LCORL: variants seen among roughly 807,000 people sequenced by gnomAD.
The protein encoded by LCORL is ligand-dependent nuclear receptor corepressor-like protein.
LCORL carries 41 observed loss-of-function variants against 141.8 expected under a neutral mutation model. The observed-to-expected ratio is 0.29, with a 90% confidence interval of 0.23 to 0.38. The LOEUF (loss-of-function observed/expected upper bound fraction) is 0.38, where lower values mean the gene tolerates loss of function less well. LCORL is among the 10% of genes least tolerant of loss of function. The pLI is 1.00. For missense variants in LCORL, 1,759 were observed against 2,035.0 expected, an observed-to-expected ratio of 0.86 and a Z score of 2.61; for synonymous variants, 618 against 694.1, an observed-to-expected ratio of 0.89 and a Z score of 1.72.
intron 6 of LCORL, among the ~76,000 whole-genome samples, chr4:17,879,695 T>C (rs1341776075): frequency 6.6e-6 from 1 of 150,994 alleles, no homozygotes; most frequent in Non-Finnish European, 1.5e-5. Flanking sequence ...GATTACAATA[T>C]ATTTTTTTCC....
At chr4:17,932,891 A>G (rs1266159032) in intron 4 of LCORL, among the ~76,000 whole-genome samples, 2 of 152,178 alleles carry the variant, frequency 1.3e-5, no homozygotes, top group Non-Finnish European at 1.5e-5. Flanking sequence ...TAAATACAGT[A>G]TTTCTTGAGT....
intron 4 of LCORL, among the ~76,000 whole-genome samples, chr4:17,952,147 T>C (rs1020873287): frequency 1.1e-4 from 17 of 152,178 alleles, no homozygotes; most frequent in African/African-American, 3.9e-4. Flanking sequence ...CAGATTGCTA[T>C]ATATTAAATA....
At chr4:18,008,753 G>A (rs1291591084) in intron 1 of LCORL, among the ~76,000 whole-genome samples, 1 of 152,092 alleles carries the variant, frequency 6.6e-6, no homozygotes. Flanking sequence ...GGCAATTCTT[G>A]GTGCTGGAAA....
At chr4:17,952,414 A>ATT (rs60765138) in intron 4 of LCORL, among the ~76,000 whole-genome samples, 17 of 135,832 alleles carry the variant, frequency 1.3e-4, no homozygotes, top group Non-Finnish European at 1.9e-4. Context: ...CTCAAAAACA[A>ATT]TTTTTTTTTT....
intron 4 of LCORL, among the ~76,000 whole-genome samples, chr4:17,951,043 T>G (rs1245824237): frequency 6.6e-6 from 1 of 152,204 alleles, no homozygotes; most frequent in Non-Finnish European, 1.5e-5. Context: ...CAGACATGGA[T>G]GAACCTCAGG....
At chr4:17,966,345 G>T (rs1227775957) in intron 2 of LCORL, among the ~76,000 whole-genome samples, 4 of 151,954 alleles carry the variant, frequency 2.6e-5, no homozygotes, top group Non-Finnish European at 5.9e-5. Context: ...GATCCTATGG[G>T]CATTATAAGG....
In LCORL at chr4:17,955,238, A is replaced by G. The variant is rs1352920847; in HGVS notation, c.430+6665T>C. On this transcript the variant is annotated intron_variant, in intron 4 of 7. Transcript: ENST00000635767. Reference sequence around the variant, plus strand: ...AACCAAGAAAGTGATCAGCTCTATCAAACGATGCTGAAAGGCTAAGATGAG... The same window carrying G: ...AACCAAGAAAGTGATCAGCTCTATCGAACGATGCTGAAAGGCTAAGATGAG... 2.0e-5 allele frequency among the ~76,000 whole-genome samples: 3 copies of G among 152,214 alleles called. No homozygotes were observed. In the East Asian group the frequency reaches 5.8e-4, roughly 29 times the overall value.
At chr4:17,875,656 A>C in exon 7 of LCORL, 1 of 1,231,338 alleles carries the variant, frequency 8.1e-7, no homozygotes, top group Non-Finnish European at 1.0e-6. Flanking sequence ...TCATTCTGGC[A>C]AACAGTGATG....
chr4:17,843,349 C>G (rs75077775), exon 8 of LCORL: 6 of 1,611,724 alleles, frequency 3.7e-6, no homozygotes, highest in Non-Finnish European at 5.1e-6. Context: ...ATGAGACTAC[C>G]AAGACGAGCC....
intron 4 of LCORL, among the ~76,000 whole-genome samples, chr4:17,941,203 C>T (rs1737893773): frequency 6.6e-6 from 1 of 152,130 alleles, no homozygotes; most frequent in Non-Finnish European, 1.5e-5. Context: ...GGTGAAACCC[C>T]ATTTCTACTA....
chr4:17,940,871 T>C (rs945696237), intron 4 of LCORL, among the ~76,000 whole-genome samples: 1 of 152,144 alleles, frequency 6.6e-6, no homozygotes, highest in Non-Finnish European at 1.5e-5. Context: ...TATATAAAAA[T>C]CTGATAAATA....
At chr4:17,847,539 AGC>A (rs1370534499) in intron 7 of LCORL, among the ~76,000 whole-genome samples, 2 of 152,260 alleles carry the variant, frequency 1.3e-5, no homozygotes, top group African/African-American at 4.8e-5. Flanking sequence ...ACTACCAGGT[AGC>A]TTAGTATGCA....
intron 1 of LCORL, among the ~76,000 whole-genome samples, chr4:18,017,896 T>C (rs1486401199): frequency 1.3e-5 from 2 of 152,158 alleles, no homozygotes; most frequent in African/African-American, 4.8e-5. Flanking sequence ...TTTAAAAATA[T>C]ACACTGAAGA....
intron 5 of LCORL, among the ~76,000 whole-genome samples, chr4:17,896,286 C>T (rs1729909883): frequency 6.6e-6 from 1 of 152,054 alleles, no homozygotes; most frequent in Non-Finnish European, 1.5e-5. Context: ...CCTTCCCTCT[C>T]TCTCTCTCTC....
chr4:17,885,947 T>C (rs555460756), intron 6 of LCORL, 121 bp downstream of exon 6: 39 of 443,858 alleles, frequency 8.8e-5, no homozygotes, highest in African/African-American at 7.4e-4. Flanking sequence ...GAGACACTTA[T>C]GAGTGACAAA....
intron 4 of LCORL, chr4:17,911,561 T>G (rs961520320): frequency 4.7e-5 from 12 of 254,144 alleles, no homozygotes; most frequent in African/African-American, 2.8e-4. Flanking sequence ...TCACTGGTAA[T>G]TTTGAAAAAG....
chr4:17,994,283 C>A (rs1720537172), intron 1 of LCORL, among the ~76,000 whole-genome samples: 1 of 151,902 alleles, frequency 6.6e-6, no homozygotes, highest in South Asian at 2.1e-4. Context: ...TATAATATTC[C>A]ATATTTCAGT....
chr4:17,844,934 C>CTATT (rs1158579019), exon 8 of LCORL: 1 of 152,028 alleles, frequency 6.6e-6, no homozygotes, highest in Non-Finnish European at 1.5e-5. Context: ...GTGCTTTGCA[C>CTATT]TATTAAAGGT....
intron 4 of LCORL, among the ~76,000 whole-genome samples, chr4:17,929,618 A>C (rs746598062): frequency 1.3e-5 from 2 of 152,172 alleles, no homozygotes; most frequent in African/African-American, 4.8e-5. Context: ...CATTAACCCA[A>C]AATGGATCAA....
Sources: allele counts gnomAD v4.1 joint callset (sites outside exome capture counted in the v4.1 genomes callset), GRCh38; gene constraint gnomAD v4.1.1; transcripts MANE v1.5; gene names NCBI Gene and HGNC (gene_info 2026-07-23, HGNC 2026-07-21).